The following SBF2 variants were observed in gnomAD, a reference collection of about 807,000 sequenced individuals.
SBF2 encodes the protein SET binding factor 2.
A neutral mutation model predicts 225.2 loss-of-function variants in SBF2; 112 were observed. The ratio of observed to expected loss-of-function variants is 0.50; its 90% CI spans 0.43 to 0.58. The LOEUF is 0.58. SBF2 is among the 20% of genes least tolerant of loss of function. The pLI is 0.00. For synonymous variants in SBF2, 763 were observed against 773.3 expected (o/e 0.99, Z 0.22); for missense variants, 1,996 against 2,206.2 (o/e 0.90, Z 1.91).
intron 7 of SBF2, 114 bp downstream of exon 7, chr11:10,002,443 C>T: frequency 1.2e-6 from 1 of 864,828 alleles, no homozygotes; most frequent in Non-Finnish European, 1.8e-6. Context: ...AACAGCATAA[C>T]TTTGTAAAAT....
intron 2 of SBF2, among the ~76,000 whole-genome samples, chr11:10,160,017 G>T (rs1955662314): frequency 6.6e-6 from 1 of 152,158 alleles, no homozygotes; most frequent in South Asian, 2.1e-4. Context: ...CTGTCTTGAT[G>T]AATCAGCTCT....
At chr11:9,930,375 T>C (rs60460155) in intron 16 of SBF2, among the ~76,000 whole-genome samples, 24,995 of 152,070 alleles carry the variant, frequency 0.16, 2,221 homozygotes, top group East Asian at 0.38. Context: ...AAAAATTACA[T>C]ATTTGATTCC....
chr11:9,839,850 A>G (rs1047659358), intron 25 of SBF2, among the ~76,000 whole-genome samples, 154 bp from the exon 26 acceptor site: 1 of 152,160 alleles, frequency 6.6e-6, no homozygotes, highest in Admixed American at 6.5e-5. Flanking sequence ...TGAGGCCTTC[A>G]GGGTAGTACC....
intron 13 of SBF2, among the ~76,000 whole-genome samples, chr11:9,983,313 C>T (rs1319402039): frequency 6.6e-6 from 1 of 152,100 alleles, no homozygotes; most frequent in Non-Finnish European, 1.5e-5. Context: ...CGGCTTTCCC[C>T]CACTTTCCTG....
intron 6 of SBF2, among the ~76,000 whole-genome samples, chr11:10,018,770 A>C (rs1380452289): frequency 1.3e-5 from 2 of 152,302 alleles, no homozygotes; most frequent in South Asian, 2.1e-4. Flanking sequence ...TCAGTCTTTG[A>C]TATTTTTACA....
chr11:9,882,232 CA>C (rs1859829217), intron 17 of SBF2, among the ~76,000 whole-genome samples: 1 of 152,132 alleles, frequency 6.6e-6, no homozygotes, highest in Non-Finnish European at 1.5e-5. Flanking sequence ...TGAGTGAAAA[CA>C]AACCTCTTCA....
intron 8 of SBF2, among the ~76,000 whole-genome samples, chr11:10,000,455 A>G (rs906950857): frequency 6.6e-6 from 1 of 152,200 alleles, no homozygotes; most frequent in Admixed American, 6.5e-5. Flanking sequence ...TTCTATTCAT[A>G]TGGCATTAAG....
intron 27 of SBF2, 32 bp downstream of exon 27, chr11:9,832,192 G>C (rs755078151): frequency 6.4e-7 from 1 of 1,572,884 alleles, no homozygotes; most frequent in South Asian, 1.1e-5. Flanking sequence ...TTATGTGAAC[G>C]GGTGGTAATT....
At chr11:10,003,876 T>C (rs575752484) in intron 6 of SBF2, among the ~76,000 whole-genome samples, 42 of 152,154 alleles carry the variant, frequency 2.8e-4, no homozygotes, top group Non-Finnish European at 4.9e-4. Flanking sequence ...AAATTATCTT[T>C]CTTTATATCA....
At chr11:9,982,885 C>T (rs186322101) in intron 13 of SBF2, among the ~76,000 whole-genome samples, 13 of 152,218 alleles carry the variant, frequency 8.5e-5, no homozygotes, top group East Asian at 1.9e-4. Flanking sequence ...GAGAGCCAAG[C>T]GAAATACAGG....
chr11:9,922,214 T>C (rs1305447849), intron 16 of SBF2, among the ~76,000 whole-genome samples: 2 of 151,610 alleles, frequency 1.3e-5, no homozygotes, highest in Non-Finnish European at 2.9e-5. Context: ...CATGACACGG[T>C]ACTCCAGCCT....
chr11:9,931,256 C>A (rs1163667238), intron 16 of SBF2, among the ~76,000 whole-genome samples: 2 of 152,252 alleles, frequency 1.3e-5, no homozygotes, highest in Non-Finnish European at 1.5e-5. Flanking sequence ...AGCAGTGGTT[C>A]TTCCAGAATG....
At chr11:9,940,048 T>A (rs1470551323) in intron 16 of SBF2, among the ~76,000 whole-genome samples, 1 of 152,126 alleles carries the variant, frequency 6.6e-6, no homozygotes, top group African/African-American at 2.4e-5. Context: ...GCCACATTAC[T>A]ATTAATGATA....
chr11:9,942,054 A>G (rs1033782175), intron 16 of SBF2, among the ~76,000 whole-genome samples: 1 of 152,246 alleles, frequency 6.6e-6, no homozygotes, highest in Non-Finnish European at 1.5e-5. Flanking sequence ...AATATGTATG[A>G]GACCTTCATG....
At chr11:10,250,060 G>A (rs72850434) in intron 1 of SBF2, among the ~76,000 whole-genome samples, 8,204 of 151,942 alleles carry the variant, frequency 0.054, 305 homozygotes, top group Middle Eastern at 0.14. Flanking sequence ...ATTCTAATAC[G>A]TCTGAGTATA....
At chr11:9,901,578 C>T (rs974764084) in intron 16 of SBF2, among the ~76,000 whole-genome samples, 3 of 152,154 alleles carry the variant, frequency 2.0e-5, no homozygotes, top group East Asian at 1.9e-4. Context: ...ATTATAAACA[C>T]GACCTAAGGC....
intron 16 of SBF2, among the ~76,000 whole-genome samples, chr11:9,900,697 C>T (rs532240500): frequency 3.9e-5 from 6 of 152,164 alleles, no homozygotes; most frequent in South Asian, 2.1e-4. Flanking sequence ...ATTTCTTTTG[C>T]GGCACTGAAA....
At chr11:10,145,841 A>G (rs1447701130) in intron 2 of SBF2, among the ~76,000 whole-genome samples, 1 of 152,208 alleles carries the variant, frequency 6.6e-6, no homozygotes, top group East Asian at 1.9e-4. Flanking sequence ...TCTTGGCCCA[A>G]AAGTTCCTTC....
In SBF2 at chr11:10,182,167, A is replaced by T. The variant is rs1277410498; in HGVS notation, c.141+11735T>A. On this transcript the variant is annotated intron_variant, in intron 2 of 39. Transcript: ENST00000256190. ...GCAAAAAGATGTAAACATATTTCGT[A>T]CAGTAATTAGGATGTATGGATGTAT... 2.6e-5 allele frequency among the ~76,000 whole-genome samples: 4 copies of T among 152,338 alleles called. No individual in the cohort carries two copies. The East Asian group carries it at 5.8e-4, about 22-fold the overall frequency.
Sources: allele counts gnomAD v4.1 joint callset (sites outside exome capture counted in the v4.1 genomes callset), GRCh38; gene constraint gnomAD v4.1.1; transcripts MANE v1.5; gene names NCBI Gene and HGNC (gene_info 2026-07-23, HGNC 2026-07-21).